BRAF: variants seen among roughly 807,000 people sequenced by gnomAD.
The protein encoded by BRAF is serine/threonine-protein kinase B-raf.
In BRAF, 16 loss-of-function variants were observed where a neutral mutation model predicts 104.6. That is an observed-to-expected ratio of 0.15 (90% CI 0.10 to 0.23). The LOEUF (loss-of-function observed/expected upper bound fraction) is 0.23. Ranked by LOEUF, BRAF falls within the 10% of genes least tolerant of loss-of-function variation. The pLI is 1.00. For missense variants in BRAF, 541 were observed against 937.3 expected, an observed-to-expected ratio of 0.58 and a Z score of 5.52; for synonymous variants, 310 against 341.6, an observed-to-expected ratio of 0.91 and a Z score of 1.02.
intron 16 of BRAF, among the ~76,000 whole-genome samples, chr7:140,749,873 C>A (rs924924386): frequency 6.6e-6 from 1 of 152,188 alleles, no homozygotes; most frequent in Admixed American, 6.5e-5. Flanking sequence ...CTTTTCTCAT[C>A]TGAGGACACC....
intron 5 of BRAF, among the ~76,000 whole-genome samples, chr7:140,802,792 T>C (rs1335310341): frequency 6.6e-6 from 1 of 152,200 alleles, no homozygotes; most frequent in South Asian, 2.1e-4. Flanking sequence ...AATTTTTTAC[T>C]TTATAAACTT....
chr7:140,754,772 A>G (rs1366956363), intron 14 of BRAF, among the ~76,000 whole-genome samples: 2 of 152,162 alleles, frequency 1.3e-5, no homozygotes, highest in African/African-American at 2.4e-5. Flanking sequence ...TGTTTTTTCA[A>G]CGTGCCTATG....
chr7:140,716,030 A>AT (rs1346611344), downstream of BRAF, among the ~76,000 whole-genome samples: 1 of 152,224 alleles, frequency 6.6e-6, no homozygotes, highest in African/African-American at 2.4e-5. Flanking sequence ...TAAGAATTTC[A>AT]TATTACCTAG....
chr7:140,720,375 G>C lies in BRAF; in HGVS notation c.*6119C>G. ...AGGCAGGAGAAGGGGACAGCACAGA[G>C]ACATACACCCCTGTATGTAAACTAA... On this transcript the variant is annotated 3_prime_UTR_variant, in exon 20 of 20. Transcript: ENST00000644969. The C allele has an allele frequency of 9.4e-7, 1 of 1,062,498 alleles. No individual in the cohort carries two copies. The allele number at this position is 1,062,498 out of a possible 1,614,324, so 65.8% of individuals were successfully genotyped here.
intron 3 of BRAF, among the ~76,000 whole-genome samples, chr7:140,816,312 C>T (rs370261922): frequency 1.1e-4 from 16 of 152,254 alleles, no homozygotes; most frequent in African/African-American, 3.6e-4. Context: ...ACTTGTAGAT[C>T]TTAGTTTCTG....
rs1031110736 is a variant in BRAF, at chr7:140,719,952, C to T, written c.*6542G>A. On this transcript the variant is annotated 3_prime_UTR_variant, in exon 20 of 20. Transcript: ENST00000644969. ...AGGTTTGGAGTGGTGAAACAGGAAC[C>T]GTGAATTCACTGCAGTTCAAACAGG... The T allele has an allele frequency of 2.6e-5, 28 of 1,062,200 alleles. No individual in the cohort carries two copies. The South Asian group carries it at 3.2e-4, about 12-fold the overall frequency. The allele number at this position is 1,062,200 out of a possible 1,614,324, so 65.8% of individuals were successfully genotyped here. A position where few individuals can be genotyped will look rare whatever the true frequency, so the allele number is the denominator to read the frequency against.
At chr7:140,781,482 T>G in intron 12 of BRAF, 94 bp downstream of exon 11, 1 of 1,192,290 alleles carries the variant, frequency 8.4e-7, no homozygotes, top group Non-Finnish European at 1.2e-6. Flanking sequence ...ATGCGAACAG[T>G]GAATATTTCC....
intron 3 of BRAF, 39 bp from the exon 4 acceptor site, chr7:140,809,034 G>A (rs1158317674): frequency 6.6e-7 from 1 of 1,510,290 alleles, no homozygotes; most frequent in Admixed American, 1.7e-5. Context: ...GGTAAAGGGA[G>A]CAAATTACAT....
intron 9 of BRAF, among the ~76,000 whole-genome samples, chr7:140,786,288 A>G (rs1801347195): frequency 6.6e-6 from 1 of 152,258 alleles, no homozygotes; most frequent in South Asian, 2.1e-4. Context: ...ATACAGAAAC[A>G]TAACAAAAGA....
chr7:140,807,561 A>C (rs1339751494), intron 5 of BRAF, among the ~76,000 whole-genome samples: 1 of 152,094 alleles, frequency 6.6e-6, no homozygotes, highest in African/African-American at 2.4e-5. Flanking sequence ...AAGGAAAGAG[A>C]GAAAAAAAGA....
intron 1 of BRAF, among the ~76,000 whole-genome samples, chr7:140,864,457 C>G (rs1469638395): frequency 6.6e-6 from 1 of 152,130 alleles, no homozygotes; most frequent in Non-Finnish European, 1.5e-5. Flanking sequence ...GCTGGTTATG[C>G]AAGTTTAGAA....
At chr7:140,849,906 T>A (rs1808976510) in intron 2 of BRAF, among the ~76,000 whole-genome samples, 1 of 152,120 alleles carries the variant, frequency 6.6e-6, no homozygotes, top group Non-Finnish European at 1.5e-5. Flanking sequence ...AGTTCTGATG[T>A]TTTCTAAATT....
intron 5 of BRAF, among the ~76,000 whole-genome samples, chr7:140,804,394 A>C (rs1803443052): frequency 6.9e-6 from 1 of 144,634 alleles, no homozygotes; most frequent in Non-Finnish European, 1.5e-5. Context: ...TAGTAGAGAC[A>C]GGTTTTTTTT....
chr7:140,803,379 C>CAA (rs1376571609), intron 5 of BRAF, among the ~76,000 whole-genome samples: 3 of 151,982 alleles, frequency 2.0e-5, no homozygotes, highest in Non-Finnish European at 4.4e-5. Flanking sequence ...AAAACAAAAA[C>CAA]AAAAACAAAA....
At chr7:140,737,315 C>G (rs77871805) in intron 18 of BRAF, among the ~76,000 whole-genome samples, 4,282 of 152,224 alleles carry the variant, frequency 0.028, 205 homozygotes, top group African/African-American at 0.096. Flanking sequence ...ATAGAATGCT[C>G]CTCCTCACTT....
intron 14 of BRAF, among the ~76,000 whole-genome samples, chr7:140,769,727 A>G (rs1456340123): frequency 1.3e-5 from 2 of 152,066 alleles, no homozygotes; most frequent in Non-Finnish European, 1.5e-5. Flanking sequence ...CTTTTTTTAA[A>G]AAAATGTCCT....
At chr7:140,909,478 A>T (rs1816726842) in intron 1 of BRAF, among the ~76,000 whole-genome samples, 1 of 152,202 alleles carries the variant, frequency 6.6e-6, no homozygotes, top group African/African-American at 2.4e-5. Flanking sequence ...GCAATTTTAT[A>T]ATATTTAGGC....
intron 7 of BRAF, chr7:140,800,104 G>C (rs1483143025): frequency 2.0e-6 from 1 of 511,312 alleles, no homozygotes; most frequent in Admixed American, 3.2e-5. Flanking sequence ...AGTTCAAGAA[G>C]CATGTCACTG....
At chr7:140,909,415 T>C (rs1232262497) in intron 1 of BRAF, among the ~76,000 whole-genome samples, 1 of 152,060 alleles carries the variant, frequency 6.6e-6, no homozygotes. Flanking sequence ...CAAAACTCCG[T>C]CACAAAAATA....
Sources: allele counts gnomAD v4.1 joint callset (sites outside exome capture counted in the v4.1 genomes callset), GRCh38; gene constraint gnomAD v4.1.1; transcripts MANE v1.5; gene names NCBI Gene and HGNC (gene_info 2026-07-23, HGNC 2026-07-21).